VAV3: variants seen among roughly 807,000 people sequenced by gnomAD.
VAV3 encodes vav guanine nucleotide exchange factor 3.
A neutral mutation model predicts 131.2 loss-of-function variants in VAV3; 94 were observed. The ratio of observed to expected loss-of-function variants is 0.72; its 90% confidence interval spans 0.61 to 0.85. The LOEUF is 0.85. Among genes scored for constraint, VAV3 ranks in the 40% least tolerant of loss-of-function variants. The pLI is 0.00. For synonymous variants in VAV3, 349 were observed against 342.0 expected (o/e 1.02, Z -0.22); for missense variants, 939 against 1,002.7 (o/e 0.94, Z 0.86).
At chr1:107,638,384 T>C (rs1279083735) in intron 20 of VAV3, among the ~76,000 whole-genome samples, 2 of 152,190 alleles carry the variant, frequency 1.3e-5, no homozygotes, top group African/African-American at 4.8e-5. Context: ...TGTATTTCTA[T>C]ATCTCACAAT....
At chr1:107,664,404 CAT>C (rs1303396088) in intron 19 of VAV3, among the ~76,000 whole-genome samples, 1 of 151,954 alleles carries the variant, frequency 6.6e-6, no homozygotes, top group Non-Finnish European at 1.5e-5. Context: ...CATGTGTCCA[CAT>C]GTTCTCATCG....
chr1:107,609,856 C>A (rs1376022576), intron 22 of VAV3, 75 bp downstream of exon 22: 10 of 1,426,746 alleles, frequency 7.0e-6, no homozygotes, highest in South Asian at 1.2e-5. Flanking sequence ...TGGTTTACTA[C>A]CCCCACATTT....
chr1:107,755,815 T>C (rs1664070124), intron 11 of VAV3, among the ~76,000 whole-genome samples: 1 of 152,030 alleles, frequency 6.6e-6, no homozygotes, highest in Admixed American at 6.5e-5. Flanking sequence ...AAAAGAAAAC[T>C]AGGTCGGAAG....
At chr1:107,706,368 T>G (rs1327829342) in intron 15 of VAV3, among the ~76,000 whole-genome samples, 1 of 152,212 alleles carries the variant, frequency 6.6e-6, no homozygotes, top group African/African-American at 2.4e-5. Context: ...CAGGCAGTGA[T>G]GCAGAAGTGT....
intron 22 of VAV3, among the ~76,000 whole-genome samples, chr1:107,606,093 C>T (rs912389926): frequency 6.6e-6 from 1 of 152,140 alleles, no homozygotes; most frequent in Non-Finnish European, 1.5e-5. Flanking sequence ...CCTTGATTTA[C>T]TAGCTCATCC....
rs377010035 is a variant in VAV3 at position 107,688,480 on chromosome 1, C to T, written c.1706-74G>A. On this transcript the variant is annotated intron_variant, in intron 17 of 26. Transcript: ENST00000370056. ...TGGTTAGCAACCTTAGCTTTCTCTG[C>T]AGAGTGGTAAAACACCACTGCTTTG... 4.3e-5 allele frequency: 69 copies of T among 1,602,738 alleles called. 2 individuals carry two copies. The Middle Eastern group carries it at 8.3e-4, about 19-fold the overall frequency.
rs1660593892 is a variant in VAV3, at chr1:107,708,614, T to TC, written c.1503-3554dup. Among the ~76,000 whole-genome samples the TC allele has an allele frequency of 2.0e-5, 3 of 152,038 alleles. No homozygotes were observed. In the South Asian group the frequency reaches 6.2e-4, roughly 32 times the overall value. On this transcript the variant is annotated intron_variant, in intron 15 of 26. Coordinates refer to ENST00000370056, the MANE Select transcript of VAV3 (RefSeq NM_006113.5). ...AGGCCTTAAGTTGAAGACCTCACTT[T>TC]CCCCCTAGCCTGGACCTCTTTGTTC...
intron 18 of VAV3, 32 bp downstream of exon 18, chr1:107,688,349 G>C: frequency 6.2e-7 from 1 of 1,607,472 alleles, no homozygotes; most frequent in Non-Finnish European, 8.5e-7. Flanking sequence ...AAATGCAAAG[G>C]TTATAAAAAA....
At chr1:107,825,308 T>C (rs984385396) in intron 2 of VAV3, among the ~76,000 whole-genome samples, 8 of 152,198 alleles carry the variant, frequency 5.3e-5, no homozygotes, top group African/African-American at 1.9e-4. Context: ...TTATTGCATA[T>C]GCTTGTACCT....
At chr1:107,918,676 A>T (rs189907187) in intron 1 of VAV3, among the ~76,000 whole-genome samples, 44 of 146,690 alleles carry the variant, frequency 3.0e-4, no homozygotes, top group South Asian at 4.3e-4. Context: ...ATATATATAT[A>T]TTTTTAAGGC....
intron 2 of VAV3, among the ~76,000 whole-genome samples, chr1:107,819,193 T>C (rs1229740571): frequency 6.6e-6 from 1 of 152,208 alleles, no homozygotes; most frequent in African/African-American, 2.4e-5. Flanking sequence ...CTTCCAATTA[T>C]ATCAATATCA....
intron 1 of VAV3, among the ~76,000 whole-genome samples, chr1:107,956,599 C>T (rs192767282): frequency 2.4e-4 from 36 of 152,076 alleles, no homozygotes; most frequent in South Asian, 4.2e-4. Context: ...TATTATTATT[C>T]GATTATAAAT....
At chr1:107,927,397 T>A (rs1300925309) in intron 1 of VAV3, among the ~76,000 whole-genome samples, 2 of 151,974 alleles carry the variant, frequency 1.3e-5, no homozygotes, top group Non-Finnish European at 2.9e-5. Context: ...GAGAGATGCC[T>A]TCTGTTTGAA....
chr1:107,703,465 C>A (rs1220060228), intron 17 of VAV3, among the ~76,000 whole-genome samples: 2 of 152,158 alleles, frequency 1.3e-5, no homozygotes, highest in Non-Finnish European at 2.9e-5. Context: ...CCAGGCAGGA[C>A]AGGCACAGTG....
At chr1:107,655,723 A>G (rs904914748) in intron 19 of VAV3, among the ~76,000 whole-genome samples, 7 of 152,146 alleles carry the variant, frequency 4.6e-5, no homozygotes, top group Non-Finnish European at 1.0e-4. Flanking sequence ...GGGAATTAAT[A>G]ACTAGAATAC....
chr1:107,767,253 G>A (rs1413544293), intron 7 of VAV3, among the ~76,000 whole-genome samples: 2 of 152,130 alleles, frequency 1.3e-5, no homozygotes, highest in South Asian at 2.1e-4. Flanking sequence ...CATTTTTCCC[G>A]ATAAGCAACT....
At chr1:107,744,460 CA>C (rs770637041) in intron 15 of VAV3, among the ~76,000 whole-genome samples, 9 of 152,172 alleles carry the variant, frequency 5.9e-5, no homozygotes, top group Admixed American at 1.3e-4. Context: ...AAATTCTAGG[CA>C]AGAGGACCTT....
At chr1:107,733,376 G>C (rs1349545834) in intron 15 of VAV3, among the ~76,000 whole-genome samples, 3 of 152,246 alleles carry the variant, frequency 2.0e-5, no homozygotes, top group African/African-American at 7.2e-5. Context: ...AACAAAGCTG[G>C]ATGGAGAATG....
chr1:107,820,468 G>C (rs957046177), intron 2 of VAV3, among the ~76,000 whole-genome samples: 17 of 151,958 alleles, frequency 1.1e-4, no homozygotes, highest in Non-Finnish European at 2.4e-4. Context: ...GCTAGGAAGG[G>C]GAGTGGGGGG....
Sources: allele counts gnomAD v4.1 joint callset (sites outside exome capture counted in the v4.1 genomes callset), GRCh38; gene constraint gnomAD v4.1.1; transcripts MANE v1.5; gene names NCBI Gene and HGNC (gene_info 2026-07-23, HGNC 2026-07-21).